METAP1D: variants seen among roughly 807,000 people sequenced by gnomAD.
METAP1D encodes the protein methionyl aminopeptidase type 1D, mitochondrial, also known as methionine aminopeptidase 1D, mitochondrial.
In METAP1D, 31 loss-of-function variants were observed where a neutral mutation model predicts 40.5. That is an observed-to-expected ratio of 0.77 (90% CI 0.58 to 1.03). The LOEUF (loss-of-function observed/expected upper bound fraction) is 1.03. Ranked by LOEUF, METAP1D falls within the 50% of genes least tolerant of loss-of-function variation. METAP1D has a pLI of 0.00. For missense variants in METAP1D, 411 were observed against 420.7 expected, an observed-to-expected ratio of 0.98 and a Z score of 0.20; for synonymous variants, 151 against 146.4, an observed-to-expected ratio of 1.03 and a Z score of -0.22.
At chr2:172,002,076 G>A (rs1688479472) in intron 1 of METAP1D, among the ~76,000 whole-genome samples, 1 of 148,660 alleles carries the variant, frequency 6.7e-6, no homozygotes, top group Admixed American at 6.7e-5. Context: ...CTGGGTTCCA[G>A]TCCAAACTTT....
chr2:172,032,143 T>G (rs957576128), intron 1 of METAP1D, among the ~76,000 whole-genome samples: 1 of 152,134 alleles, frequency 6.6e-6, no homozygotes, highest in Non-Finnish European at 1.5e-5. Context: ...TGGAGTTGAG[T>G]TTTTCCCCCT....
At chr2:172,071,188 T>C in intron 6 of METAP1D, 118 bp downstream of exon 6, 1 of 879,250 alleles carries the variant, frequency 1.1e-6, no homozygotes. Context: ...CAGTCTGATA[T>C]CAGTATGTGA....
intron 1 of METAP1D, among the ~76,000 whole-genome samples, chr2:172,025,996 C>A (rs1689112956): frequency 6.6e-6 from 1 of 152,076 alleles, no homozygotes; most frequent in Non-Finnish European, 1.5e-5. Context: ...TTAAACCTTA[C>A]CAAATTTGAG....
At position 172,059,440 on chromosome 2, in the gene METAP1D, A is replaced by G. The variant is rs73976547; in HGVS notation, c.41-2058A>G. 0.037 allele frequency among the ~76,000 whole-genome samples: 5,679 copies of G among 152,186 alleles called. 620 individuals are homozygous for G. In the East Asian group the frequency reaches 0.45, roughly 12 times the overall value. On this transcript the variant is annotated intron_variant, in intron 1 of 9. Coordinates refer to ENST00000315796, the MANE Select transcript of METAP1D (RefSeq NM_199227.3). ...CAGCAAATGTCTCCTGTAGAGGGCC[A>G]AAGAGTACATTTTTTAGGCTCTGTG...
intron 1 of METAP1D, among the ~76,000 whole-genome samples, chr2:172,032,927 C>T (rs1189904683): frequency 6.6e-6 from 1 of 151,986 alleles, no homozygotes; most frequent in South Asian, 2.1e-4. Context: ...AGCCTGGTGG[C>T]GGGCGTCTGT....
intron 1 of METAP1D, among the ~76,000 whole-genome samples, chr2:172,049,594 A>G (rs1477897925): frequency 6.6e-6 from 1 of 152,172 alleles, no homozygotes; most frequent in Non-Finnish European, 1.5e-5. Flanking sequence ...TATACCTAGT[A>G]GAATTGAGTG....
chr2:172,052,972 T>G (rs1689917551), intron 1 of METAP1D, among the ~76,000 whole-genome samples: 1 of 152,238 alleles, frequency 6.6e-6, no homozygotes, highest in African/African-American at 2.4e-5. Context: ...AATGTGAGCT[T>G]CTCTTCTGCT....
intron 1 of METAP1D, among the ~76,000 whole-genome samples, chr2:172,036,113 C>A (rs188734857): frequency 6.6e-6 from 1 of 151,694 alleles, no homozygotes; most frequent in Non-Finnish European, 1.5e-5. Context: ...GTCAGGAGAT[C>A]AAGACCATCC....
intron 1 of METAP1D, among the ~76,000 whole-genome samples, chr2:172,015,103 T>C (rs1161566595): frequency 1.3e-5 from 2 of 152,260 alleles, no homozygotes; most frequent in Non-Finnish European, 2.9e-5. Context: ...CAAAATTTCA[T>C]ACCCTTTAAC....
At position 172,028,900 on chromosome 2, in the gene METAP1D, G is replaced by A. The variant is rs1315472906; in HGVS notation, c.40+28891G>A. ...TTTTCTCATAAACTTGCCATGATTA[G>A]TATGTTACTTTAATTATGTATTTAT... is the stretch of plus-strand genomic sequence containing the variant. On this transcript the variant is annotated intron_variant, in intron 1 of 9. Coordinates refer to ENST00000315796, the MANE Select transcript of METAP1D (RefSeq NM_199227.3). Among the ~76,000 whole-genome samples the A allele has an allele frequency of 4.6e-5, 7 of 152,116 alleles. No homozygotes were observed. In the East Asian group the frequency reaches 5.8e-4, roughly 13 times the overall value.
chr2:172,026,551 G>A (rs930892449), intron 1 of METAP1D, among the ~76,000 whole-genome samples: 2 of 152,112 alleles, frequency 1.3e-5, no homozygotes, highest in African/African-American at 2.4e-5. Context: ...TCTTTTCTAA[G>A]TTAGACTTCT....
intron 3 of METAP1D, chr2:172,064,168 G>GC: frequency 4.6e-6 from 1 of 218,008 alleles, no homozygotes; most frequent in Non-Finnish European, 8.9e-6. Flanking sequence ...TTTGATTTTT[G>GC]CCCCCCTACT....
chr2:172,079,257 C>G lies in METAP1D; in HGVS notation c.845C>G (p.Thr282Ser). 6.2e-7 allele frequency: 1 copy of G among 1,614,060 alleles called. No individual in the cohort carries two copies. The highest frequency in any genetic ancestry group is 8.5e-7 in the Non-Finnish European group (1 of 1,179,992). ...DLPMEEGMAF[T>S]IEPIITEGSP... ...CCCATGGAGGAGGGCATGGCATTCACTATAGGTAAATTGAGCTCCTCTTCC... is the reference window on the plus strand; with the variant it reads ...CCCATGGAGGAGGGCATGGCATTCAGTATAGGTAAATTGAGCTCCTCTTCC... Residue 282 changes from threonine (T) to serine (S), a missense_variant, in exon 8 of 10, where the codon ACT (threonine) becomes AGT (serine). Coordinates refer to ENST00000315796, the MANE Select transcript of METAP1D (RefSeq NM_199227.3).
At chr2:172,080,066 C>T (rs947610322) in intron 8 of METAP1D, 62 bp from the exon 9 acceptor site, 2 of 1,440,496 alleles carry the variant, frequency 1.4e-6, no homozygotes, top group Non-Finnish European at 9.6e-7. Flanking sequence ...AATAATCAGC[C>T]GGAAACAATG....
At chr2:172,004,812 T>G (rs2105369818) in intron 1 of METAP1D, among the ~76,000 whole-genome samples, 1 of 152,346 alleles carries the variant, frequency 6.6e-6, no homozygotes, top group Non-Finnish European at 1.5e-5. Context: ...ATATGGCATG[T>G]TACTACACAG....
intron 1 of METAP1D, among the ~76,000 whole-genome samples, chr2:172,008,292 A>G (rs926081347): frequency 1.3e-5 from 2 of 152,202 alleles, no homozygotes; most frequent in Admixed American, 6.5e-5. Context: ...GACCTGGCTC[A>G]TTAGGAGTTT....
chr2:172,000,857 C>G (rs1019487963), intron 1 of METAP1D, among the ~76,000 whole-genome samples: 5 of 152,098 alleles, frequency 3.3e-5, no homozygotes, highest in Admixed American at 2.6e-4. Flanking sequence ...AAAAATTAGT[C>G]GGGCGTGGTG....
At chr2:172,022,727 A>G (rs1225484731) in intron 1 of METAP1D, among the ~76,000 whole-genome samples, 1 of 152,180 alleles carries the variant, frequency 6.6e-6, no homozygotes, top group Non-Finnish European at 1.5e-5. Context: ...TTTATTTCAA[A>G]TACTTGTTTT....
At position 172,044,676 on chromosome 2, in the gene METAP1D, G is replaced by A. The variant is rs1357794206; in HGVS notation, c.41-16822G>A. ...AATCCCAGCAATTTGGGAAGCCGAG[G>A]AGGGTGGATCACTTGAAGTCAGGAG... On this transcript the variant is annotated intron_variant, in intron 1 of 9. Transcript: ENST00000315796. Among the ~76,000 whole-genome samples the A allele has an allele frequency of 1.5e-5, 2 of 135,166 alleles. 1 individual carries two copies. The highest frequency in any genetic ancestry group is 3.4e-5 in the Non-Finnish European group (2 of 57,978). The allele number at this position is 135,166 out of a possible 152,430, so 88.7% of individuals were successfully genotyped here. A position where few individuals can be genotyped will look rare whatever the true frequency, so the allele number is the denominator to read the frequency against.
Sources: gnomAD v4.1 joint callset for allele counts (sites outside exome capture counted in the v4.1 genomes callset) on GRCh38, gnomAD v4.1.1 for gene constraint, MANE v1.5 for transcripts, NCBI Gene and HGNC (gene_info 2026-07-23, HGNC 2026-07-21) for gene names.